FRMD5: variants seen among roughly 807,000 people sequenced by gnomAD.
FRMD5 encodes the protein FERM domain-containing protein 5.
In FRMD5, 20 loss-of-function variants were observed where a neutral mutation model predicts 69.0. The observed-to-expected ratio is 0.29, with a 90% CI of 0.20 to 0.42. The LOEUF (loss-of-function observed/expected upper bound fraction) is 0.42. FRMD5 is among the 10% of genes least tolerant of loss of function. The pLI is 1.00. For synonymous variants in FRMD5, 271 were observed against 260.1 expected, an observed-to-expected ratio of 1.04 and a Z score of -0.40; for missense variants, 595 against 708.6, an observed-to-expected ratio of 0.84 and a Z score of 1.82.
intron 1 of FRMD5, among the ~76,000 whole-genome samples, chr15:44,039,565 G>A (rs1892094004): frequency 6.6e-6 from 1 of 152,180 alleles, no homozygotes; most frequent in African/African-American, 2.4e-5. Context: ...AACTCCAGCA[G>A]GCCTGCAGAA....
intron 1 of FRMD5, among the ~76,000 whole-genome samples, chr15:44,175,220 C>T (rs2077873215): frequency 6.6e-6 from 1 of 152,120 alleles, no homozygotes; most frequent in Non-Finnish European, 1.5e-5. Context: ...ATCCCACCCA[C>T]TCAGCACTCA....
chr15:44,163,646 C>A (rs2077659075), intron 1 of FRMD5, among the ~76,000 whole-genome samples: 1 of 152,148 alleles, frequency 6.6e-6, no homozygotes, highest in African/African-American at 2.4e-5. Flanking sequence ...GATATTCTAC[C>A]ATTTGATAAT....
intron 1 of FRMD5, among the ~76,000 whole-genome samples, chr15:43,949,252 T>C (rs1217918030): frequency 6.6e-6 from 1 of 152,210 alleles, no homozygotes; most frequent in Non-Finnish European, 1.5e-5. Context: ...AACTGTGAGC[T>C]TCTTACTCCT....
At chr15:44,071,351 C>CA (rs969327965) in intron 1 of FRMD5, among the ~76,000 whole-genome samples, 2 of 152,092 alleles carry the variant, frequency 1.3e-5, no homozygotes, top group Non-Finnish European at 2.9e-5. Flanking sequence ...CATCGGATCC[C>CA]AGGAGGTCAA....
intron 1 of FRMD5, among the ~76,000 whole-genome samples, chr15:44,032,430 T>C (rs1208448119): frequency 2.0e-5 from 3 of 152,026 alleles, no homozygotes; most frequent in Non-Finnish European, 4.4e-5. Context: ...ACCTACAGAA[T>C]GGAGAAAATA....
chr15:44,007,569 A>C (rs1444808803), intron 1 of FRMD5, among the ~76,000 whole-genome samples: 1 of 151,732 alleles, frequency 6.6e-6, no homozygotes, highest in Non-Finnish European at 1.5e-5. Flanking sequence ...TAGTATCTAC[A>C]AGGCCAGATA....
chr15:43,885,824 C>T, intron 10 of FRMD5, 69 bp from the exon 11 acceptor site: 1 of 1,193,468 alleles, frequency 8.4e-7, no homozygotes, highest in Non-Finnish European at 1.3e-6. Flanking sequence ...GCAGCACATC[C>T]CCAGCTTCTT....
chr15:43,983,958 TAAAATGGCTACAAGACACA>T (rs2140632187), intron 1 of FRMD5, among the ~76,000 whole-genome samples: 1 of 152,332 alleles, frequency 6.6e-6, no homozygotes, highest in East Asian at 1.9e-4. Flanking sequence ...CTTCAGTCTT[TAAAATGGCTACAAGACACA>T]TTAGCATTTC....
chr15:44,168,907 A>C (rs1230309870), intron 1 of FRMD5, among the ~76,000 whole-genome samples: 1 of 152,040 alleles, frequency 6.6e-6, no homozygotes, highest in Non-Finnish European at 1.5e-5. Flanking sequence ...AGCCTCCTTT[A>C]CTTCAAATGT....
chr15:43,913,156 T>C (rs1192141977), intron 4 of FRMD5, among the ~76,000 whole-genome samples: 1 of 152,176 alleles, frequency 6.6e-6, no homozygotes, highest in Non-Finnish European at 1.5e-5. Context: ...CAAGGCATCA[T>C]TATTGATGGC....
intron 1 of FRMD5, among the ~76,000 whole-genome samples, chr15:44,117,991 CTTTTTTT>C (rs747747488): frequency 0.06 from 5,595 of 92,610 alleles, 153 homozygotes; most frequent in Non-Finnish European, 0.085. Context: ...TTCTTTTTTA[CTTTTTTT>C]TTTTTTTTTT....
chr15:44,191,934 A>C (rs569902778), intron 1 of FRMD5, among the ~76,000 whole-genome samples: 54 of 108,952 alleles, frequency 5.0e-4, no homozygotes, highest in African/African-American at 1.9e-3. Context: ...ATATATATAT[A>C]TATATATGTA....
chr15:43,956,126 T>G (rs1223179550), intron 1 of FRMD5, among the ~76,000 whole-genome samples: 2 of 152,214 alleles, frequency 1.3e-5, no homozygotes, highest in Non-Finnish European at 2.9e-5. Context: ...TGGTTTTCTC[T>G]AATCTTGTTT....
intron 1 of FRMD5, among the ~76,000 whole-genome samples, chr15:44,000,454 G>C (rs1194130990): frequency 1.3e-5 from 2 of 151,276 alleles, no homozygotes; most frequent in African/African-American, 4.9e-5. Context: ...TCACATGGTA[G>C]TTCTATTTTT....
At chr15:44,002,909 C>G (rs1029375629) in intron 1 of FRMD5, among the ~76,000 whole-genome samples, 3 of 152,034 alleles carry the variant, frequency 2.0e-5, no homozygotes, top group Admixed American at 2.0e-4. Context: ...TTGTAACTCC[C>G]TTTTCTAACA....
At chr15:44,157,434 G>T (rs2077545951) in intron 1 of FRMD5, among the ~76,000 whole-genome samples, 1 of 152,086 alleles carries the variant, frequency 6.6e-6, no homozygotes, top group Admixed American at 6.5e-5. Context: ...AAGCCTAATA[G>T]ATGTCTAAAT....
chr15:44,094,972 T>C (rs774711787), intron 1 of FRMD5, among the ~76,000 whole-genome samples: 1 of 152,160 alleles, frequency 6.6e-6, no homozygotes, highest in East Asian at 1.9e-4. Context: ...TGATTCACGA[T>C]GCATTACTCA....
At chr15:44,173,579 A>T (rs1488366107) in intron 1 of FRMD5, among the ~76,000 whole-genome samples, 5 of 152,120 alleles carry the variant, frequency 3.3e-5, no homozygotes, top group Admixed American at 6.6e-5. Context: ...GTGCAGTGGC[A>T]CAATCTCAGC....
At chr15:44,008,089 ATTTTTTTTTTT>A (rs35785368) in intron 1 of FRMD5, among the ~76,000 whole-genome samples, 3 of 62,806 alleles carry the variant, frequency 4.8e-5, no homozygotes, top group Non-Finnish European at 6.4e-5. Flanking sequence ...ACAATCGGCA[ATTTTTTTTTTT>A]TTTTTTTTTT....
Sources: gnomAD v4.1 joint callset for allele counts (sites outside exome capture counted in the v4.1 genomes callset) on GRCh38, gnomAD v4.1.1 for gene constraint, MANE v1.5 for transcripts, NCBI Gene and HGNC (gene_info 2026-07-23, HGNC 2026-07-21) for gene names.